GLRA3: variants seen among roughly 807,000 people sequenced by gnomAD.
GLRA3 encodes the protein glycine receptor subunit alpha-3.
GLRA3 carries 44 observed loss-of-function variants against 60.4 expected under a neutral mutation model. The ratio of observed to expected loss-of-function variants is 0.73; its 90% CI spans 0.57 to 0.94. GLRA3 has a LOEUF of 0.94. Among genes scored for constraint, GLRA3 ranks in the 40% least tolerant of loss-of-function variants. The probability of loss-of-function intolerance (pLI) is 0.00; values close to 1 mark genes in which losing one functional copy is unlikely to be tolerated. For synonymous variants in GLRA3, 223 were observed against 192.9 expected (o/e 1.16, Z -1.29); for missense variants, 508 against 564.6 (o/e 0.90, Z 1.02).
rs945492452 is a variant in GLRA3, at chr4:174,656,767, C to T, written c.1092G>A (p.Glu364=). Residue 364 remains glutamate, a synonymous_variant, in exon 9 of 10, where the codon GAG becomes GAA. Transcript: ENST00000274093. The part of the protein sequence containing the change: ...RKNKTEAFAL[E]KFYRFSDMDD... ...CCATATCTGAGAAACGGTAAAACTT[C>T]TCCAGTGCAAAAGCTTCTGTCTGTG... is the stretch of plus-strand genomic sequence containing the variant. 1.3e-6 allele frequency: 2 copies of T among 1,588,220 alleles called. No individual in the cohort carries two copies. The highest frequency in any genetic ancestry group is 1.3e-5 in the African/African-American group (1 of 74,412).
intron 1 of GLRA3, among the ~76,000 whole-genome samples, chr4:174,822,247 G>A (rs1342161482): frequency 1.3e-5 from 2 of 152,136 alleles, no homozygotes; most frequent in East Asian, 3.9e-4. Context: ...GAGATATTCA[G>A]GTAGAATGCC....
At chr4:174,658,013 T>G (rs1717561225) in intron 8 of GLRA3, among the ~76,000 whole-genome samples, 1 of 152,162 alleles carries the variant, frequency 6.6e-6, no homozygotes, top group Non-Finnish European at 1.5e-5. Context: ...ATTCAAGCAC[T>G]GAGAGGTCAA....
intron 3 of GLRA3, among the ~76,000 whole-genome samples, chr4:174,739,959 G>A (rs2111166415): frequency 6.6e-6 from 1 of 152,234 alleles, no homozygotes; most frequent in Non-Finnish European, 1.5e-5. Flanking sequence ...TATTGAATGG[G>A]AACACCTTAT....
chr4:174,822,732 T>C (rs969611171), intron 1 of GLRA3, among the ~76,000 whole-genome samples: 1 of 152,214 alleles, frequency 6.6e-6, no homozygotes, highest in African/African-American at 2.4e-5. Context: ...TGTTTGTATG[T>C]ACTCATGGAG....
chr4:174,788,937 A>G lies in GLRA3; in HGVS notation c.78T>C (p.Val26=). The G allele has an allele frequency of 1.3e-6, 2 of 1,581,376 alleles. No homozygotes were observed. Among genetic ancestry groups the G allele is most frequent in the Non-Finnish European group, 1.7e-6 (2 of 1,164,420 alleles). ...TTGCACTGTCTGTTTCCTTTGTGGC[A>G]ACCAAACTACAAATAAGAACAAAAA... The part of the protein sequence containing the change: ...FWEAALLLSL[V]ATKETDSARS... Residue 26 remains valine, a synonymous_variant, in exon 2 of 10, where the codon GTT becomes GTC. Transcript: ENST00000274093.
At chr4:174,688,317 TCATATATATATATATA>T (rs1432122424) in intron 5 of GLRA3, among the ~76,000 whole-genome samples, 1,957 of 71,324 alleles carry the variant, frequency 0.027, 106 homozygotes, top group South Asian at 0.055. Flanking sequence ...TTACCTGACA[TCATATATATATATATA>T]TATATATATA....
intron 7 of GLRA3, among the ~76,000 whole-genome samples, chr4:174,661,014 C>A (rs1733413386): frequency 6.6e-6 from 1 of 152,100 alleles, no homozygotes; most frequent in South Asian, 2.1e-4. Flanking sequence ...TTGTACTTTT[C>A]CTGTTCTTGT....
At chr4:174,710,984 T>C (rs1047324931) in intron 5 of GLRA3, among the ~76,000 whole-genome samples, 2 of 152,066 alleles carry the variant, frequency 1.3e-5, no homozygotes, top group African/African-American at 4.8e-5. Context: ...TATATTGTGC[T>C]TTCATTGTAA....
chr4:174,703,005 ACACTTGGG>A (rs1735382675), intron 5 of GLRA3, among the ~76,000 whole-genome samples: 1 of 152,186 alleles, frequency 6.6e-6, no homozygotes, highest in African/African-American at 2.4e-5. Flanking sequence ...CCCAGTGCTA[ACACTTGGG>A]CAAGGTTTTG....
chr4:174,675,115 A>G (rs750673677), intron 7 of GLRA3, among the ~76,000 whole-genome samples: 14 of 152,032 alleles, frequency 9.2e-5, no homozygotes, highest in Non-Finnish European at 1.8e-4. Context: ...CACTTTCTCA[A>G]TCAATTCCTT....
intron 7 of GLRA3, among the ~76,000 whole-genome samples, chr4:174,673,742 C>T (rs1246786474): frequency 1.3e-5 from 2 of 152,110 alleles, no homozygotes; most frequent in African/African-American, 2.4e-5. Flanking sequence ...TGTCTTTGGT[C>T]AGAACTTTGG....
chr4:174,671,385 G>GT (rs199903445), intron 7 of GLRA3, among the ~76,000 whole-genome samples: 22 of 150,878 alleles, frequency 1.5e-4, no homozygotes, highest in East Asian at 5.8e-4. Context: ...AAATTTAAGG[G>GT]TTTTTTTTTA....
At chr4:174,754,572 C>T (rs1229125294) in intron 3 of GLRA3, among the ~76,000 whole-genome samples, 1 of 151,980 alleles carries the variant, frequency 6.6e-6, no homozygotes, top group African/African-American at 2.4e-5. Flanking sequence ...ATATGAATGA[C>T]ATCGGAATAG....
rs149531627 is a variant in GLRA3, at chr4:174,653,629, C to A, written c.1116+3114G>T. ...GTTTTAGATGAAATATTATAGAGGACGGATAAGAAATCAATGGAATGATTT... is the reference window on the plus strand; with the variant it reads ...GTTTTAGATGAAATATTATAGAGGAAGGATAAGAAATCAATGGAATGATTT... On this transcript the variant is annotated intron_variant, in intron 9 of 9. Coordinates refer to ENST00000274093, the MANE Select transcript of GLRA3 (RefSeq NM_006529.4). 1.7e-3 allele frequency among the ~76,000 whole-genome samples: 262 copies of A among 151,734 alleles called. 1 individual carries two copies. The highest frequency in any genetic ancestry group is 6.2e-3 in the African/African-American group (255 of 41,426).
At chr4:174,772,699 G>A (rs910794172) in intron 2 of GLRA3, among the ~76,000 whole-genome samples, 11 of 152,088 alleles carry the variant, frequency 7.2e-5, no homozygotes, top group African/African-American at 2.7e-4. Context: ...AGGTATTTGG[G>A]ATTTACTTTA....
intron 3 of GLRA3, among the ~76,000 whole-genome samples, chr4:174,738,762 C>T (rs1736895867): frequency 6.6e-6 from 1 of 152,152 alleles, no homozygotes; most frequent in Non-Finnish European, 1.5e-5. Context: ...AACACATGTA[C>T]TAAATTAAGC....
chr4:174,743,616 T>C (rs761116287), intron 3 of GLRA3, among the ~76,000 whole-genome samples: 1 of 152,150 alleles, frequency 6.6e-6, no homozygotes, highest in Non-Finnish European at 1.5e-5. Context: ...TCATGGGTGA[T>C]GTTTAGCTTG....
At chr4:174,790,869 T>C (rs1579614325) in intron 1 of GLRA3, among the ~76,000 whole-genome samples, 1 of 141,704 alleles carries the variant, frequency 7.1e-6, no homozygotes, top group Admixed American at 7.2e-5. Context: ...CCGGGCGTAG[T>C]GGCGGGCTCC....
intron 3 of GLRA3, among the ~76,000 whole-genome samples, chr4:174,751,422 A>C (rs551445738): frequency 2.0e-5 from 3 of 152,118 alleles, no homozygotes; most frequent in Non-Finnish European, 4.4e-5. Context: ...GTGGAAGATA[A>C]ATGTGAAACA....
Sources: allele counts gnomAD v4.1 joint callset (sites outside exome capture counted in the v4.1 genomes callset), GRCh38; gene constraint gnomAD v4.1.1; transcripts MANE v1.5; gene names NCBI Gene and HGNC (gene_info 2026-07-23, HGNC 2026-07-21).